The following CTTNBP2 variants were observed in gnomAD, a reference collection of about 807,000 sequenced individuals.
The protein encoded by CTTNBP2 is cortactin-binding protein 2.
In CTTNBP2, 108 loss-of-function variants were observed where a neutral mutation model predicts 156.9. That is an observed-to-expected ratio of 0.69 (90% CI 0.59 to 0.81). The LOEUF is 0.81. CTTNBP2 is among the 30% of genes least tolerant of loss of function. The pLI is 0.00. For synonymous variants in CTTNBP2, 767 were observed against 751.8 expected, an observed-to-expected ratio of 1.02 and a Z score of -0.33; for missense variants, 1,924 against 2,035.4, an observed-to-expected ratio of 0.95 and a Z score of 1.05.
intron 14 of CTTNBP2, among the ~76,000 whole-genome samples, chr7:117,737,743 AT>A (rs1037122522): frequency 2.6e-5 from 4 of 151,160 alleles, no homozygotes; most frequent in African/African-American, 9.7e-5. Context: ...CAAATACAAA[AT>A]TTTTTTTTGT....
intron 14 of CTTNBP2, 108 bp from the exon 15 acceptor site, chr7:117,735,529 T>C (rs1795640273): frequency 6.6e-6 from 6 of 909,488 alleles, no homozygotes; most frequent in African/African-American, 1.7e-5. Context: ...AGATGTGGTA[T>C]AATGGGAATG....
At chr7:117,776,417 A>G (rs1457670126) in intron 8 of CTTNBP2, among the ~76,000 whole-genome samples, 1 of 152,184 alleles carries the variant, frequency 6.6e-6, no homozygotes, top group Non-Finnish European at 1.5e-5. Context: ...CACTTTGACT[A>G]GTAAATTAAG....
At chr7:117,830,443 G>C (rs993054848) in intron 2 of CTTNBP2, among the ~76,000 whole-genome samples, 5 of 152,142 alleles carry the variant, frequency 3.3e-5, no homozygotes, top group African/African-American at 1.2e-4. Context: ...CAATTAACCT[G>C]CTAGCTTGTG....
intron 14 of CTTNBP2, among the ~76,000 whole-genome samples, chr7:117,743,212 C>T (rs557322810): frequency 6.6e-6 from 1 of 152,332 alleles, no homozygotes; most frequent in East Asian, 1.9e-4. Flanking sequence ...GCTCTCTAAG[C>T]TTAGAGCAGA....
chr7:117,855,489 G>A (rs1803241027), intron 2 of CTTNBP2, among the ~76,000 whole-genome samples: 2 of 152,260 alleles, frequency 1.3e-5, no homozygotes, highest in East Asian at 3.9e-4. Flanking sequence ...TTCCCAAGCA[G>A]CAGCAATTTG....
intron 14 of CTTNBP2, among the ~76,000 whole-genome samples, chr7:117,739,437 C>G (rs1795878279): frequency 6.6e-6 from 1 of 152,168 alleles, no homozygotes; most frequent in South Asian, 2.1e-4. Flanking sequence ...CCAGTCTGCT[C>G]TTTTTGACCT....
At chr7:117,727,954 G>C in intron 17 of CTTNBP2, 135 bp downstream of exon 17, 1 of 748,894 alleles carries the variant, frequency 1.3e-6, no homozygotes. Flanking sequence ...TCCTCTGAAA[G>C]AGCAGAGAGC....
intron 3 of CTTNBP2, among the ~76,000 whole-genome samples, chr7:117,802,557 T>TA (rs1339015702): frequency 6.6e-6 from 1 of 150,896 alleles, no homozygotes; most frequent in Non-Finnish European, 1.5e-5. Flanking sequence ...CTAATTAAAC[T>TA]AAAAAGCTTC....
chr7:117,778,207 C>A (rs954615666), intron 7 of CTTNBP2, among the ~76,000 whole-genome samples: 2 of 152,050 alleles, frequency 1.3e-5, no homozygotes, highest in South Asian at 4.1e-4. Flanking sequence ...ACTGACCTAA[C>A]TCTGTGATCT....
chr7:117,812,189 A>G (rs925896774), intron 2 of CTTNBP2, among the ~76,000 whole-genome samples: 4 of 152,234 alleles, frequency 2.6e-5, no homozygotes, highest in Admixed American at 2.6e-4. Flanking sequence ...ATTAGCCTAC[A>G]AAGTCATTGC....
chr7:117,836,335 T>C (rs539185912), intron 2 of CTTNBP2, among the ~76,000 whole-genome samples: 14 of 152,048 alleles, frequency 9.2e-5, no homozygotes, highest in African/African-American at 1.7e-4. Flanking sequence ...GAGGCTGAGG[T>C]GGGCGGATCA....
At chr7:117,752,333 CT>C (rs1403086508) in intron 12 of CTTNBP2, among the ~76,000 whole-genome samples, 4 of 152,128 alleles carry the variant, frequency 2.6e-5, no homozygotes, top group Non-Finnish European at 5.9e-5. Flanking sequence ...ATCATAATTA[CT>C]CATAGTCACT....
At chr7:117,782,820 G>A (rs1242380336) in intron 6 of CTTNBP2, 42 bp downstream of exon 6, 7 of 1,385,882 alleles carry the variant, frequency 5.1e-6, no homozygotes, top group Admixed American at 1.9e-5. Context: ...ATAAAAAGAG[G>A]CTCCTTTGAT....
chr7:117,849,501 T>C (rs1802806091), intron 2 of CTTNBP2, among the ~76,000 whole-genome samples: 1 of 152,158 alleles, frequency 6.6e-6, no homozygotes, highest in African/African-American at 2.4e-5. Flanking sequence ...TCAGGGACTC[T>C]GCACTGCCTA....
intron 2 of CTTNBP2, among the ~76,000 whole-genome samples, chr7:117,828,138 C>CA (rs1482889016): frequency 1.3e-5 from 2 of 152,184 alleles, no homozygotes; most frequent in East Asian, 3.8e-4. Flanking sequence ...AGTTTGAAAG[C>CA]AGTCTTTATT....
chr7:117,786,313 A>G lies in CTTNBP2; in HGVS notation c.2069-1859T>C, dbSNP rs550285872. The G allele has an allele frequency of 3.3e-5, 11 of 330,142 alleles. No individual in the cohort carries two copies. In the East Asian group the frequency reaches 1.0e-3, roughly 30 times the overall value. The allele number at this position is 330,142 out of a possible 1,614,324, so 20.5% of individuals were successfully genotyped here. A position where few individuals can be genotyped will look rare whatever the true frequency, so the allele number is the denominator to read the frequency against. On this transcript the variant is annotated intron_variant, in intron 4 of 22. Transcript: ENST00000160373. Reference sequence around the variant, plus strand: ...TGCTCATAAAATTCAATATTTATCTAAACTTTATGATATTTTCCTACTGAT... The same window carrying G: ...TGCTCATAAAATTCAATATTTATCTGAACTTTATGATATTTTCCTACTGAT...
intron 2 of CTTNBP2, among the ~76,000 whole-genome samples, chr7:117,853,783 A>G (rs1271781833): frequency 6.6e-6 from 1 of 152,158 alleles, no homozygotes; most frequent in African/African-American, 2.4e-5. Context: ...CTCCTTACAT[A>G]TATCTTGGTA....
intron 4 of CTTNBP2, 100 bp downstream of exon 4, chr7:117,791,028 A>T: frequency 9.7e-7 from 1 of 1,027,790 alleles, no homozygotes; most frequent in Non-Finnish European, 1.4e-6. Flanking sequence ...GGAAGCATCA[A>T]ATTTAAAAAA....
intron 15 of CTTNBP2, 28 bp downstream of exon 15, chr7:117,735,241 C>T (rs753199434): frequency 2.5e-6 from 4 of 1,606,538 alleles, no homozygotes; most frequent in Non-Finnish European, 3.4e-6. Context: ...AAGCTTGCTT[C>T]TCAGCATGGT....
Sources: allele counts gnomAD v4.1 joint callset (sites outside exome capture counted in the v4.1 genomes callset), GRCh38; gene constraint gnomAD v4.1.1; transcripts MANE v1.5; gene names NCBI Gene and HGNC (gene_info 2026-07-23, HGNC 2026-07-21).